The following EPB41L5 variants were observed in gnomAD, a reference collection of about 807,000 sequenced individuals.
EPB41L5 encodes the protein erythrocyte membrane protein band 4.1 like 5.
In EPB41L5, 55 loss-of-function variants were observed where a neutral mutation model predicts 106.6. The observed-to-expected ratio is 0.52, with a 90% CI of 0.42 to 0.65. EPB41L5 has a LOEUF of 0.65. Ranked by LOEUF, EPB41L5 falls within the 30% of genes least tolerant of loss-of-function variation. The pLI, the probability that EPB41L5 is intolerant of heterozygous loss-of-function variation, is 0.00. For synonymous variants in EPB41L5, 297 were observed against 306.7 expected (o/e 0.97, Z 0.33); for missense variants, 871 against 882.1 (o/e 0.99, Z 0.16).
chr2:120,148,934 C>G (rs1194698816), intron 20 of EPB41L5, among the ~76,000 whole-genome samples: 2 of 138,814 alleles, frequency 1.4e-5, no homozygotes, highest in Non-Finnish European at 3.2e-5. Context: ...TTCTTAAGAA[C>G]TGCCAAATGT....
chr2:120,046,422 T>G (rs1440343249), intron 3 of EPB41L5, among the ~76,000 whole-genome samples: 1 of 152,208 alleles, frequency 6.6e-6, no homozygotes. Context: ...GATGAGCATT[T>G]TTTCATGTGT....
At chr2:120,017,560 G>T (rs1476126533) in intron 1 of EPB41L5, among the ~76,000 whole-genome samples, 1 of 152,110 alleles carries the variant, frequency 6.6e-6, no homozygotes, top group East Asian at 1.9e-4. Context: ...CATTTAGTGT[G>T]CTATGTTTTA....
At chr2:120,113,348 TAAA>T (rs1684805773) in intron 16 of EPB41L5, among the ~76,000 whole-genome samples, 1 of 152,130 alleles carries the variant, frequency 6.6e-6, no homozygotes, top group Non-Finnish European at 1.5e-5. Flanking sequence ...ACTTTAACAA[TAAA>T]TTACTCCAAA....
chr2:120,143,237 G>A, intron 19 of EPB41L5, 106 bp downstream of exon 19: 2 of 1,240,448 alleles, frequency 1.6e-6, no homozygotes, highest in Non-Finnish European at 2.2e-6. Context: ...TAATGGTGCA[G>A]TCAGGGAGTT....
intron 3 of EPB41L5, among the ~76,000 whole-genome samples, chr2:120,047,886 A>G (rs1679917796): frequency 1.3e-5 from 2 of 152,178 alleles, no homozygotes; most frequent in African/African-American, 4.8e-5. Context: ...GTTGAATTTT[A>G]TCAAAGGCCT....
chr2:120,164,036 G>T lies in EPB41L5; in HGVS notation c.1888-800G>T, dbSNP rs1465284321. ...CTTGCTCTGTCGCCCAGGCTGGAGT[G>T]CAGTGGCGCGATCTCGGCTCACTGC... On this transcript the variant is annotated intron_variant, in intron 21 of 24. Transcript: ENST00000263713. 6.7e-5 allele frequency among the ~76,000 whole-genome samples: 8 copies of T among 119,840 alleles called. No individual in the cohort carries two copies. The East Asian group carries it at 2.1e-3, about 32-fold the overall frequency. 78.6% of individuals were successfully genotyped at this position (119,840 alleles called of 152,430 possible).
At chr2:120,105,049 A>G in intron 16 of EPB41L5, 1 of 983,988 alleles carries the variant, frequency 1.0e-6, no homozygotes, top group Non-Finnish European at 1.2e-6. Context: ...CAGATTACCC[A>G]GGTTTGCAAC....
intron 2 of EPB41L5, among the ~76,000 whole-genome samples, chr2:120,023,312 T>C (rs564405312): frequency 9.8e-5 from 15 of 152,320 alleles, no homozygotes; most frequent in African/African-American, 2.4e-4. Context: ...TTTATGGTTT[T>C]AGGTTTTATG....
In EPB41L5 at chr2:120,100,822, A is replaced by G; in HGVS notation, c.1337+8A>G. ...CCAGCATGACAGGAAATGGTTTGTT[A>G]ATTCCTTAAACTAAAATAAAATATT... is the stretch of plus-strand genomic sequence containing the variant. On this transcript the variant is annotated splice_region_variant and intron_variant, in intron 16 of 24. Transcript: ENST00000263713. The G allele has an allele frequency of 6.5e-7, 1 of 1,537,020 alleles. No homozygotes were observed. The highest frequency in any genetic ancestry group is 1.2e-5 in the South Asian group (1 of 85,996).
chr2:120,147,781 A>G (rs1224474406), intron 20 of EPB41L5, among the ~76,000 whole-genome samples: 1 of 152,186 alleles, frequency 6.6e-6, no homozygotes, highest in African/African-American at 2.4e-5. Context: ...TGTTCATCAG[A>G]AGTTTCATTG....
At chr2:120,028,019 C>G (rs1318223261) in intron 2 of EPB41L5, among the ~76,000 whole-genome samples, 3 of 151,998 alleles carry the variant, frequency 2.0e-5, no homozygotes, top group African/African-American at 4.8e-5. Flanking sequence ...CCCACCACCA[C>G]ACCCAGCTAA....
At chr2:120,085,864 G>A (rs1683021000) in intron 10 of EPB41L5, among the ~76,000 whole-genome samples, 1 of 152,118 alleles carries the variant, frequency 6.6e-6, no homozygotes, top group African/African-American at 2.4e-5. Context: ...CTCCTTTTCT[G>A]CCTTTTTATA....
intron 1 of EPB41L5, among the ~76,000 whole-genome samples, chr2:120,014,898 C>T (rs1478370130): frequency 6.7e-6 from 1 of 148,180 alleles, no homozygotes; most frequent in Non-Finnish European, 1.5e-5. Flanking sequence ...GTGGCTGCAA[C>T]ATGAAGAGCG....
At chr2:120,023,203 A>G (rs949412793) in intron 2 of EPB41L5, among the ~76,000 whole-genome samples, 7 of 152,282 alleles carry the variant, frequency 4.6e-5, no homozygotes, top group South Asian at 2.1e-4. Context: ...CCATTTGTCA[A>G]TTTTGGCTTT....
chr2:120,063,942 CAAAA>C (rs576465680), intron 3 of EPB41L5, among the ~76,000 whole-genome samples: 1 of 130,880 alleles, frequency 7.6e-6, no homozygotes, highest in Non-Finnish European at 1.6e-5. Flanking sequence ...AACTCCATCT[CAAAA>C]AAAAAAAGAA....
chr2:120,152,653 G>T (rs1228645275), intron 20 of EPB41L5, among the ~76,000 whole-genome samples: 1 of 152,178 alleles, frequency 6.6e-6, no homozygotes, highest in Non-Finnish European at 1.5e-5. Context: ...CTTCTGCTGT[G>T]TTTTGGAAGA....
At chr2:120,165,248 C>T (rs867457775) in intron 22 of EPB41L5, among the ~76,000 whole-genome samples, 1 of 152,234 alleles carries the variant, frequency 6.6e-6, no homozygotes, top group African/African-American at 2.4e-5. Flanking sequence ...GTAAGAATGG[C>T]ATTGAACATA....
chr2:120,051,287 C>A (rs1368567522), intron 3 of EPB41L5, among the ~76,000 whole-genome samples: 1 of 152,220 alleles, frequency 6.6e-6, no homozygotes, highest in Non-Finnish European at 1.5e-5. Context: ...CCTCCTTGAG[C>A]TGCGGTGGGC....
At chr2:120,058,460 G>T (rs1401433180) in intron 3 of EPB41L5, among the ~76,000 whole-genome samples, 1 of 152,224 alleles carries the variant, frequency 6.6e-6, no homozygotes, top group Non-Finnish European at 1.5e-5. Flanking sequence ...ACAGGTGTGG[G>T]CCACTGTGCC....
Sources: gnomAD v4.1 joint callset for allele counts (sites outside exome capture counted in the v4.1 genomes callset) on GRCh38, gnomAD v4.1.1 for gene constraint, MANE v1.5 for transcripts, NCBI Gene and HGNC (gene_info 2026-07-23, HGNC 2026-07-21) for gene names.